The following PPP1R13L variants were observed in gnomAD, a reference collection of about 807,000 sequenced individuals.
PPP1R13L encodes the protein protein phosphatase 1 regulatory subunit 13 like.
A neutral mutation model predicts 80.9 loss-of-function variants in PPP1R13L; 50 were observed. That is an observed-to-expected ratio of 0.62 (90% CI 0.49 to 0.78). The LOEUF (loss-of-function observed/expected upper bound fraction) is 0.78, where lower values mean the gene tolerates loss of function less well. PPP1R13L is among the 30% of genes least tolerant of loss of function. The probability of loss-of-function intolerance (pLI) is 0.00; values close to 1 mark genes in which losing one functional copy is unlikely to be tolerated. For synonymous variants in PPP1R13L, 602 were observed against 534.3 expected, an observed-to-expected ratio of 1.13 and a Z score of -1.75; for missense variants, 1,200 against 1,205.9, an observed-to-expected ratio of 1.00 and a Z score of 0.07.
In PPP1R13L at chr19:45,396,693, G is replaced by A; in HGVS notation, c.564C>T (p.Pro188=). The change falls in exon 4 of 13, where the codon CCC becomes CCT. Residue 188 remains proline, a synonymous_variant. Coordinates refer to ENST00000360957, the MANE Select transcript of PPP1R13L (RefSeq NM_006663.4). The surrounding 1 kb of genome is among the most constrained non-coding windows in gnomAD (Gnocchi z 5.3). The stretch of plus-strand genomic sequence containing the variant: ...AGAAGGCCTGGGGCCCCTCCGCCAG[G>A]GGGCTGCCGCGGGGGGAGCCTGCGC... The part of the protein sequence containing the change: ...LGRAGSPRGS[P]LAEGPQAFFP... 2 of 1,416,710 alleles carry A rather than the reference G, an allele frequency of 1.4e-6. No individual in the cohort carries two copies. 87.8% of individuals were successfully genotyped at this position (1,416,710 alleles called of 1,614,324 possible). A position where few individuals can be genotyped will look rare whatever the true frequency, so the allele number is the denominator to read the frequency against.
At chr19:45,395,354 C>T (rs1973059636) in intron 7 of PPP1R13L, 82 bp downstream of exon 7, 1 of 1,537,878 alleles carries the variant, frequency 6.5e-7, no homozygotes, top group Admixed American at 1.9e-5. Flanking sequence ...CTGTGATCTC[C>T]CCACCTCCCA....
At position 45,396,864 on chromosome 19, in the gene PPP1R13L, G is replaced by C; in HGVS notation, c.393C>G (p.Ala131=). The C allele has an allele frequency of 2.0e-6, 3 of 1,530,534 alleles. No individual in the cohort carries two copies. Among genetic ancestry groups the C allele is most frequent in the Non-Finnish European group, 2.6e-6 (3 of 1,147,968 alleles). The allele number at this position is 1,530,534 out of a possible 1,614,324, so 94.8% of individuals were successfully genotyped here. The change falls in exon 4 of 13, where the codon GCC becomes GCG. Residue 131 remains alanine (A), a synonymous_variant. Coordinates refer to ENST00000360957, the MANE Select transcript of PPP1R13L (RefSeq NM_006663.4). This position sits in a 1 kb window ranked among gnomAD's most constrained non-coding sequence, Gnocchi z 5.3. ...PRTPLYLQPD[A]YGSLDRATSP... The stretch of plus-strand genomic sequence containing the variant: ...AGGTCGCGCGGTCCAGGCTGCCGTA[G>C]GCGTCCGGCTGCAGGTAGAGCGGGG...
intron 8 of PPP1R13L, among the ~76,000 whole-genome samples, chr19:45,391,516 T>A (rs575027180): frequency 6.6e-6 from 1 of 152,168 alleles, no homozygotes; most frequent in Non-Finnish European, 1.5e-5. Flanking sequence ...CCCATTGCAA[T>A]GAGGCTCCTG....
At chr19:45,383,816 C>T (rs1430237867) in intron 11 of PPP1R13L, among the ~76,000 whole-genome samples, 1 of 151,720 alleles carries the variant, frequency 6.6e-6, no homozygotes, top group Non-Finnish European at 1.5e-5. Context: ...GGCTGGAGTG[C>T]AGTGGCGCGA....
Position 45,397,021 on chromosome 19 carries a change from A to T in PPP1R13L, c.236T>A (p.Phe79Tyr). Residue 79 changes from phenylalanine to tyrosine, a missense_variant, in exon 4 of 13, where the codon TTC (phenylalanine) becomes TAC (tyrosine). By Grantham distance (22) the Phe-to-Tyr change is conservative (BLOSUM62 3). Coordinates refer to ENST00000360957, the MANE Select transcript of PPP1R13L (RefSeq NM_006663.4). ...RYSSSSIPEP[F>Y]GSRGSPRKAA... ...CTTCCGGGGGGACCCTCGGCTGCCG[A>T]AGGGCTCAGGGATCGAGCTGGAGCT... 1.5e-6 allele frequency: 2 copies of T among 1,368,374 alleles called. No individual in the cohort carries two copies. Among genetic ancestry groups the T allele is most frequent in the Non-Finnish European group, 1.9e-6 (2 of 1,063,074 alleles). 84.8% of individuals were successfully genotyped at this position (1,368,374 alleles called of 1,614,324 possible).
At chr19:45,388,595 A>G (rs925963441) in intron 8 of PPP1R13L, among the ~76,000 whole-genome samples, 2 of 152,130 alleles carry the variant, frequency 1.3e-5, no homozygotes, top group Non-Finnish European at 2.9e-5. Context: ...ACCCTCTATT[A>G]CAACATATCA....
chr19:45,383,977 C>G (rs1436856554), intron 11 of PPP1R13L, among the ~76,000 whole-genome samples: 3 of 151,896 alleles, frequency 2.0e-5, no homozygotes, highest in Non-Finnish European at 2.9e-5. Context: ...GTTGCCCAGG[C>G]TGGTTTGGAA....
intron 11 of PPP1R13L, among the ~76,000 whole-genome samples, chr19:45,383,076 C>G (rs1472414189): frequency 1.4e-5 from 2 of 147,870 alleles, no homozygotes; most frequent in African/African-American, 2.5e-5. Context: ...CTCACTGCAA[C>G]CTCCGCCTCC....
At chr19:45,403,552 G>A (rs1025518406) in intron 1 of PPP1R13L, among the ~76,000 whole-genome samples, 4 of 152,018 alleles carry the variant, frequency 2.6e-5, no homozygotes, top group Non-Finnish European at 5.9e-5. Context: ...TCCAGCCTCC[G>A]TTTCTCCACT....
chr19:45,405,102 G>A (rs1390624520), upstream of PPP1R13L: 1 of 974,038 alleles, frequency 1.0e-6, no homozygotes, highest in East Asian at 1.1e-4. Flanking sequence ...GTTAGACGAC[G>A]TGACTTGGGC....
In PPP1R13L at chr19:45,391,191, C is replaced by T. The variant is rs548126594; in HGVS notation, c.1815+689G>A. On this transcript the variant is annotated intron_variant, in intron 8 of 12. Transcript: ENST00000360957. ...CCAGCCTGAGTGATGGAGCAAGACT[C>T]TGCCTGGAAAAAAAAAAAAAATAGA... 2.8e-3 allele frequency among the ~76,000 whole-genome samples: 289 copies of T among 103,972 alleles called. 3 individuals are homozygous for T. Among genetic ancestry groups the T allele is most frequent in the African/African-American group, 0.014 (276 of 19,960 alleles). 68.2% of individuals were successfully genotyped at this position (103,972 alleles called of 152,430 possible).
intron 12 of PPP1R13L, 125 bp from the exon 13 acceptor site, chr19:45,380,353 TC>T: frequency 9.5e-7 from 1 of 1,049,716 alleles, no homozygotes; most frequent in Non-Finnish European, 1.4e-6. Context: ...CCCAAACTGC[TC>T]CAGAATCCAA....
rs759404256 is a variant in PPP1R13L, at chr19:45,396,416, G to A, written c.733C>T (p.Arg245Trp). The change falls in exon 5 of 13, where the codon CGG (arginine) becomes TGG (tryptophan). Residue 245 changes from arginine to tryptophan, a missense_variant. Physicochemically the swap from Arg to Trp is moderately radical, Grantham distance 101. Transcript: ENST00000360957. The surrounding 1 kb of genome is among the most constrained non-coding windows in gnomAD (Gnocchi z 5.3). ...RAQDDLTLRR[R>W]PPKAWNESDL... Reference sequence around the variant, plus strand: ...GACTCGTTCCAGGCTTTCGGAGGCCGCCGGCGCAGCGTCAGGTCGTCTGGG... The same window carrying A: ...GACTCGTTCCAGGCTTTCGGAGGCCACCGGCGCAGCGTCAGGTCGTCTGGG... The A allele has an allele frequency of 1.4e-5, 22 of 1,614,010 alleles. No homozygotes were observed. The East Asian group carries it at 2.7e-4, about 20-fold the overall frequency.
chr19:45,396,775 G>T lies in PPP1R13L; in HGVS notation c.482C>A (p.Pro161His). 1 of 1,355,728 alleles carries T rather than the reference G, an allele frequency of 7.4e-7. No homozygotes were observed. The allele number at this position is 1,355,728 out of a possible 1,614,324, so 84.0% of individuals were successfully genotyped here. ...CTGCTGGCGGAGCGGGCCTGGCCCG[G>T]GCCGCGGGGAGGGCGCACGGCCGAG... ...SSLGRAPSPR[P>H]GPGPLRQQGP... Residue 161 changes from proline (P) to histidine (H), a missense_variant, in exon 4 of 13, where the codon CCC (proline) becomes CAC (histidine). Physicochemically the swap from Pro to His is moderately conservative, Grantham distance 77 (BLOSUM62 -2). Transcript: ENST00000360957. This position sits in a 1 kb window ranked among gnomAD's most constrained non-coding sequence, Gnocchi z 5.3.
chr19:45,388,447 T>C (rs1447138915), intron 8 of PPP1R13L, among the ~76,000 whole-genome samples: 2 of 151,724 alleles, frequency 1.3e-5, no homozygotes, highest in Non-Finnish European at 2.9e-5. Context: ...TGGTGGTGCA[T>C]GCCTGTAGTC....
chr19:45,404,262 C>G (rs1973284654), intron 1 of PPP1R13L, among the ~76,000 whole-genome samples: 1 of 152,170 alleles, frequency 6.6e-6, no homozygotes, highest in Non-Finnish European at 1.5e-5. Flanking sequence ...CTAGAACTAC[C>G]TCTGCAAACC....
rs1011192283 is a variant in PPP1R13L at position 45,397,035 on chromosome 19, C to A, written c.222G>T (p.Ser74=). The change falls in exon 4 of 13, where the codon TCG becomes TCT. Residue 74 remains serine, a synonymous_variant. Transcript: ENST00000360957. ...PSRPPRYSSS[S]IPEPFGSRGS... is the part of the protein sequence containing the mutation. ...CTCGGCTGCCGAAGGGCTCAGGGAT[C>A]GAGCTGGAGCTGTACCGGGGCGGCT... The A allele has an allele frequency of 1.5e-6, 2 of 1,345,656 alleles. No individual in the cohort carries two copies. Among genetic ancestry groups the A allele is most frequent in the East Asian group, 2.9e-5 (1 of 34,480 alleles). The allele number at this position is 1,345,656 out of a possible 1,614,324, so 83.4% of individuals were successfully genotyped here.
chr19:45,398,116 C>A lies in PPP1R13L; in HGVS notation c.87G>T (p.Gln29His). 1.9e-6 allele frequency: 3 copies of A among 1,614,158 alleles called. No homozygotes were observed. Among genetic ancestry groups the A allele is most frequent in the Non-Finnish European group, 2.5e-6 (3 of 1,180,008 alleles). Residue 29 changes from glutamine (Q) to histidine (H), a missense_variant, in exon 3 of 13, where the codon CAG becomes CAT. Gln to His is a conservative substitution (Grantham distance 24, BLOSUM62 0). This residue lies in a region of PPP1R13L where 764 missense variants were observed against 714.5 expected (regional missense o/e 1.07). Coordinates refer to ENST00000360957, the MANE Select transcript of PPP1R13L (RefSeq NM_006663.4). Reference sequence around the variant, plus strand: ...TGGCCGCCGCCGTGTCCAGCTCCATCTGCTTCAGATCCATGTGTTTCATGG... The same window carrying A: ...TGGCCGCCGCCGTGTCCAGCTCCATATGCTTCAGATCCATGTGTTTCATGG... ...SLAMKHMDLK[Q>H]MELDTAAAKV...
In PPP1R13L at chr19:45,396,635, C is replaced by A. The variant is rs1350400864; in HGVS notation, c.622G>T (p.Ala208Ser). The stretch of plus-strand genomic sequence containing the variant: ...GACGCTGGCGCGTCGTAGGCTGTGG[C>A]AGGGGGGCGCGGTGACGGCCCACGC... ...PERGPSPRPP[A>S]TAYDAPASAF... The change falls in exon 4 of 13, where the codon GCC (alanine) becomes TCC (serine). Residue 208 changes from alanine to serine, a missense_variant. By Grantham distance (99) the Ala-to-Ser change is moderately conservative. Transcript: ENST00000360957. This position sits in a 1 kb window ranked among gnomAD's most constrained non-coding sequence, Gnocchi z 5.3. 1 of 1,475,864 alleles carries A rather than the reference C, an allele frequency of 6.8e-7. No individual in the cohort carries two copies. Among genetic ancestry groups the A allele is most frequent in the Non-Finnish European group, 8.9e-7 (1 of 1,123,350 alleles). The allele number at this position is 1,475,864 out of a possible 1,614,324, so 91.4% of individuals were successfully genotyped here.
Sources: allele counts gnomAD v4.1 joint callset (sites outside exome capture counted in the v4.1 genomes callset), GRCh38; gene constraint gnomAD v4.1.1; regional missense constraint gnomAD v4.1.1; non-coding constraint Gnocchi (gnomAD v3.1); transcripts MANE v1.5; gene names NCBI Gene and HGNC (gene_info 2026-07-23, HGNC 2026-07-21).